ATXN1: variants seen among roughly 807,000 people sequenced by gnomAD.
ATXN1 encodes the protein ataxin-1.
A neutral mutation model predicts 56.4 loss-of-function variants in ATXN1; 8 were observed. The ratio of observed to expected loss-of-function variants is 0.14; its 90% confidence interval spans 0.08 to 0.26. The LOEUF (loss-of-function observed/expected upper bound fraction) is 0.26. Ranked by LOEUF, ATXN1 falls within the 10% of genes least tolerant of loss-of-function variation. ATXN1 has a pLI of 1.00. For missense variants in ATXN1, 987 were observed against 1,106.5 expected (o/e 0.89, Z 1.53); for synonymous variants, 514 against 494.6 (o/e 1.04, Z -0.52).
intron 2 of ATXN1, among the ~76,000 whole-genome samples, chr6:16,704,075 C>G (rs1177972312): frequency 6.6e-6 from 1 of 152,202 alleles, no homozygotes; most frequent in Non-Finnish European, 1.5e-5. Context: ...TGTTGAGTGT[C>G]TCTAACTACC....
chr6:16,383,198 GTCC>G (rs1238373636), intron 6 of ATXN1, among the ~76,000 whole-genome samples: 1 of 152,148 alleles, frequency 6.6e-6, no homozygotes, highest in Non-Finnish European at 1.5e-5. Context: ...CACAGAACTT[GTCC>G]TCCTTAGATG....
intron 2 of ATXN1, among the ~76,000 whole-genome samples, chr6:16,749,167 A>G (rs1333074132): frequency 1.3e-5 from 2 of 152,254 alleles, no homozygotes; most frequent in East Asian, 3.8e-4. Flanking sequence ...CTCTAAAGTT[A>G]CAAAACACAC....
At chr6:16,323,259 G>T (rs1013924662) in intron 7 of ATXN1, among the ~76,000 whole-genome samples, 1 of 152,142 alleles carries the variant, frequency 6.6e-6, no homozygotes, top group East Asian at 1.9e-4. Flanking sequence ...AGTGGCTCAC[G>T]CCTACAATCC....
At chr6:16,395,258 G>A (rs1158897878) in intron 6 of ATXN1, among the ~76,000 whole-genome samples, 4 of 69,272 alleles carry the variant, frequency 5.8e-5, no homozygotes, top group East Asian at 3.8e-4. Flanking sequence ...CAACAAGAGC[G>A]AAACTCCGTC....
chr6:16,577,349 C>T (rs1442882280), intron 4 of ATXN1, among the ~76,000 whole-genome samples: 2 of 151,856 alleles, frequency 1.3e-5, no homozygotes, highest in East Asian at 1.9e-4. Context: ...CATAGTGAAA[C>T]CCCATCTCTA....
chr6:16,667,762 C>G (rs545438019), intron 2 of ATXN1, among the ~76,000 whole-genome samples: 1 of 152,332 alleles, frequency 6.6e-6, no homozygotes, highest in African/African-American at 2.4e-5. Flanking sequence ...TCAGTTGATT[C>G]ACCATCCACC....
intron 5 of ATXN1, among the ~76,000 whole-genome samples, chr6:16,502,135 T>C (rs1219112818): frequency 6.6e-6 from 1 of 152,246 alleles, no homozygotes; most frequent in Non-Finnish European, 1.5e-5. Context: ...CTAATTGTAG[T>C]GAATCTGTCA....
At chr6:16,395,448 C>T (rs775672918) in intron 6 of ATXN1, among the ~76,000 whole-genome samples, 12 of 151,994 alleles carry the variant, frequency 7.9e-5, no homozygotes, top group South Asian at 2.1e-4. Context: ...TATGTGACAG[C>T]GGTCACATAA....
chr6:16,627,141 A>G (rs917848271), intron 3 of ATXN1, among the ~76,000 whole-genome samples: 5 of 152,206 alleles, frequency 3.3e-5, no homozygotes, highest in Non-Finnish European at 4.4e-5. Context: ...TGAGGAGTCC[A>G]TATGTCCACT....
In ATXN1 at chr6:16,679,447, G is replaced by T. The variant is rs544289374; in HGVS notation, c.-614-21546C>A. Reference sequence around the variant, plus strand: ...GGGAGGAAGGAAAAAAGGGAGAAAGGGGGGACAGAAGTAGGGAGGCAAAGA... The same window carrying T: ...GGGAGGAAGGAAAAAAGGGAGAAAGTGGGGACAGAAGTAGGGAGGCAAAGA... On this transcript the variant is annotated intron_variant, in intron 2 of 7. Coordinates refer to ENST00000436367, the MANE Select transcript of ATXN1 (RefSeq NM_001128164.2). 3.0e-4 allele frequency among the ~76,000 whole-genome samples: 46 copies of T among 152,294 alleles called. No individual in the cohort carries two copies. In the Middle Eastern group the frequency reaches 0.01, roughly 34 times the overall value.
At chr6:16,616,818 C>T (rs1763222345) in intron 3 of ATXN1, among the ~76,000 whole-genome samples, 1 of 151,128 alleles carries the variant, frequency 6.6e-6, no homozygotes, top group Non-Finnish European at 1.5e-5. Flanking sequence ...CTCCCCATAG[C>T]CACGGTTTTG....
intron 2 of ATXN1, among the ~76,000 whole-genome samples, chr6:16,743,247 C>A (rs770683945): frequency 6.6e-6 from 1 of 152,148 alleles, no homozygotes; most frequent in Non-Finnish European, 1.5e-5. Context: ...TATGATTGAG[C>A]GAATTCAGCA....
intron 5 of ATXN1, among the ~76,000 whole-genome samples, chr6:16,512,140 TATC>T (rs1226814767): frequency 6.6e-6 from 1 of 152,170 alleles, no homozygotes. Flanking sequence ...GTGATAAAGA[TATC>T]ATTACCCTCA....
At chr6:16,547,141 G>A (rs900237785) in intron 4 of ATXN1, among the ~76,000 whole-genome samples, 5 of 152,144 alleles carry the variant, frequency 3.3e-5, no homozygotes, top group African/African-American at 9.7e-5. Flanking sequence ...ATATTCTCAC[G>A]AAAGTGTCCA....
intron 2 of ATXN1, among the ~76,000 whole-genome samples, chr6:16,723,031 T>C (rs969336113): frequency 4.5e-4 from 68 of 152,236 alleles, no homozygotes; most frequent in African/African-American, 1.6e-3. Flanking sequence ...AAAGTTCTCT[T>C]TAAGTACTAT....
intron 7 of ATXN1, among the ~76,000 whole-genome samples, chr6:16,325,862 G>T (rs1385303095): frequency 6.6e-6 from 1 of 152,070 alleles, no homozygotes. Flanking sequence ...CGAACTCCTG[G>T]GCTCAAGTGA....
chr6:16,316,818 T>C (rs1246700617), intron 7 of ATXN1, among the ~76,000 whole-genome samples: 2 of 147,864 alleles, frequency 1.4e-5, no homozygotes, highest in Non-Finnish European at 3.0e-5. Flanking sequence ...GGAAAAACAT[T>C]GCAATGGTAC....
chr6:16,527,259 G>A (rs1401286697), intron 4 of ATXN1, among the ~76,000 whole-genome samples: 1 of 152,038 alleles, frequency 6.6e-6, no homozygotes, highest in Non-Finnish European at 1.5e-5. Flanking sequence ...ACTTTTGAGG[G>A]GAGGCTGGGG....
chr6:16,588,266 C>G (rs750965634), intron 3 of ATXN1, among the ~76,000 whole-genome samples: 52 of 152,226 alleles, frequency 3.4e-4, no homozygotes, highest in Non-Finnish European at 6.6e-4. Context: ...TACTACCTTC[C>G]TTGGCTCCTG....
Sources: gnomAD v4.1 joint callset for allele counts (sites outside exome capture counted in the v4.1 genomes callset) on GRCh38, gnomAD v4.1.1 for gene constraint, MANE v1.5 for transcripts, NCBI Gene and HGNC (gene_info 2026-07-23, HGNC 2026-07-21) for gene names.